HERC2: variants seen among roughly 807,000 people sequenced by gnomAD.
HERC2 encodes the protein E3 ubiquitin-protein ligase HERC2.
HERC2 carries 102 observed loss-of-function variants against 537.7 expected under a neutral mutation model. The observed-to-expected ratio is 0.19, with a 90% CI of 0.16 to 0.22. The LOEUF is 0.22. Among genes scored for constraint, HERC2 ranks in the 10% least tolerant of loss-of-function variants. HERC2 has a pLI of 1.00. For missense variants in HERC2, 4,236 were observed against 6,198.2 expected, an observed-to-expected ratio of 0.68 and a Z score of 10.63; for synonymous variants, 2,224 against 2,466.2, an observed-to-expected ratio of 0.90 and a Z score of 2.91.
intron 40 of HERC2, among the ~76,000 whole-genome samples, 163 bp downstream of exon 40, chr15:28,214,492 C>T (rs1054995337): frequency 3.3e-5 from 5 of 150,764 alleles, no homozygotes; most frequent in Middle Eastern, 3.2e-3. Flanking sequence ...GGCAGTACAC[C>T]GCTCTTCACC....
intron 69 of HERC2, among the ~76,000 whole-genome samples, chr15:28,154,781 T>C (rs1892813042): frequency 6.6e-6 from 1 of 152,220 alleles, no homozygotes; most frequent in African/African-American, 2.4e-5. Context: ...ATTTTTTTAT[T>C]ATACTTTAAG....
Position 28,263,068 on chromosome 15 carries a change from C to T in HERC2, c.1972G>A (p.Asp658Asn). The change falls in exon 15 of 93, where the codon GAT (aspartate) becomes AAT (asparagine). Residue 658 changes from aspartate to asparagine, a missense_variant. This residue lies in a region of HERC2 where 754 missense variants were observed against 1,085.0 expected (regional missense o/e 0.69). Transcript: ENST00000261609. Reference sequence around the variant, plus strand: ...CTTCCACAGCGGACTTTGACCACATCCAAGTCTTGAAGCTTTTCAATCAGC... The same window carrying T: ...CTTCCACAGCGGACTTTGACCACATTCAAGTCTTGAAGCTTTTCAATCAGC... ...PKLIEKLQDL[D>N]VVKVRCGSQF... 6.2e-7 allele frequency: 1 copy of T among 1,614,190 alleles called. No homozygotes were observed. Among genetic ancestry groups the T allele is most frequent in the Non-Finnish European group, 8.5e-7 (1 of 1,180,046 alleles).
At position 28,319,511 on chromosome 15, in the gene HERC2, G is replaced by C. The variant is rs181313774; in HGVS notation, c.72+1851C>G. The stretch of plus-strand genomic sequence containing the variant: ...GAGGCGGGAGAATCACTTGCATTCG[G>C]GAGGCGGAAGTTGCAGTGAGCCAAG... On this transcript the variant is annotated intron_variant, in intron 2 of 92. Transcript: ENST00000261609. Among the ~76,000 whole-genome samples, 508 of 150,982 alleles carry C rather than the reference G, an allele frequency of 3.4e-3. 4 individuals are homozygous for C. The highest frequency in any genetic ancestry group is 0.012 in the African/African-American group (482 of 40,650).
chr15:28,128,164 G>A (rs185364388), intron 83 of HERC2, among the ~76,000 whole-genome samples: 85 of 152,324 alleles, frequency 5.6e-4, no homozygotes, highest in African/African-American at 2.0e-3. Context: ...AGAAGCCCAG[G>A]AAGACGAGGA....
intron 64 of HERC2, 151 bp downstream of exon 64, chr15:28,175,360 AG>A: frequency 1.3e-6 from 1 of 765,608 alleles, no homozygotes; most frequent in East Asian, 2.7e-5. Context: ...AGTGGGCAAA[AG>A]GAACAGGACC....
intron 69 of HERC2, among the ~76,000 whole-genome samples, chr15:28,156,741 A>C (rs1237416851): frequency 1.3e-5 from 2 of 152,108 alleles, no homozygotes; most frequent in Non-Finnish European, 2.9e-5. Flanking sequence ...AATACCCTTT[A>C]TTTCTTTCTC....
At chr15:28,130,348 C>A (rs1399041038) in intron 82 of HERC2, 46 bp from the exon 83 acceptor site, 1 of 1,611,944 alleles carries the variant, frequency 6.2e-7, no homozygotes, top group South Asian at 1.1e-5. Flanking sequence ...GGTGATCTCA[C>A]TGACCACCCT....
chr15:28,292,954 C>T lies in HERC2; in HGVS notation c.256G>A (p.Glu86Lys). The change falls in exon 4 of 93, where the codon GAA becomes AAA. Residue 86 changes from glutamate to lysine, a missense_variant. By Grantham distance (56) the Glu-to-Lys change is moderately conservative. Coordinates refer to ENST00000261609, the MANE Select transcript of HERC2 (RefSeq NM_004667.6). Reference protein sequence around the residue: ...LNDKEKKDEEETPAPIYRAKS... With the variant: ...LNDKEKKDEEKTPAPIYRAKS... ...GCCCTATATATAGGTGCAGGAGTTT[C>T]TTCTTCATCTTTTTTCTCTTTGTCA... 6.2e-7 allele frequency: 1 copy of T among 1,611,232 alleles called. No individual in the cohort carries two copies. The highest frequency in any genetic ancestry group is 8.5e-7 in the Non-Finnish European group (1 of 1,179,394).
At chr15:28,238,411 A>C (rs1430377713) in intron 24 of HERC2, among the ~76,000 whole-genome samples, 191 bp downstream of exon 24, 4 of 152,206 alleles carry the variant, frequency 2.6e-5, no homozygotes, top group Non-Finnish European at 5.9e-5. Context: ...GTATTAAAAC[A>C]AAAAATGCAT....
At chr15:28,216,315 T>C (rs1027537333) in intron 38 of HERC2, among the ~76,000 whole-genome samples, 2 of 146,902 alleles carry the variant, frequency 1.4e-5, no homozygotes, top group African/African-American at 2.5e-5. Flanking sequence ...ACTTAAATAT[T>C]TTTTTTTTTT....
Position 28,141,726 on chromosome 15 carries a change from A to C in HERC2, c.11816+5T>G, listed in dbSNP as rs1437577870. 1 of 1,613,142 alleles carries C rather than the reference A, an allele frequency of 6.2e-7. No individual in the cohort carries two copies. Among genetic ancestry groups the C allele is most frequent in the South Asian group, 1.1e-5 (1 of 91,058 alleles). On this transcript the variant is annotated splice_donor_5th_base_variant and intron_variant, in intron 77 of 92. Coordinates refer to ENST00000261609, the MANE Select transcript of HERC2 (RefSeq NM_004667.6). ...GACATTACTGCTTGTTTCTAATATA[A>C]TAACCTGTTCATCCACTGCACAAGT...
intron 69 of HERC2, among the ~76,000 whole-genome samples, chr15:28,160,857 A>G (rs1421099787): frequency 6.6e-6 from 1 of 152,194 alleles, no homozygotes; most frequent in Non-Finnish European, 1.5e-5. Flanking sequence ...AGCTGTTCCT[A>G]TTCAGCCATC....
At chr15:28,222,956 T>C (rs1322881441) in intron 35 of HERC2, among the ~76,000 whole-genome samples, 1 of 150,906 alleles carries the variant, frequency 6.6e-6, no homozygotes, top group African/African-American at 2.4e-5. Flanking sequence ...TTGTACCTGC[T>C]TTCCTCTGGA....
intron 69 of HERC2, among the ~76,000 whole-genome samples, chr15:28,157,490 G>C (rs1486391135): frequency 6.6e-6 from 1 of 152,164 alleles, no homozygotes; most frequent in Non-Finnish European, 1.5e-5. Flanking sequence ...TATGTGTCCA[G>C]GAATTTATCC....
intron 68 of HERC2, 44 bp from the exon 69 acceptor site, chr15:28,163,329 C>A: frequency 6.4e-7 from 1 of 1,562,430 alleles, no homozygotes; most frequent in South Asian, 1.2e-5. Flanking sequence ...GAATGATATG[C>A]TAAGAGATAA....
chr15:28,147,649 C>T (rs1891900567), intron 70 of HERC2, among the ~76,000 whole-genome samples: 1 of 151,662 alleles, frequency 6.6e-6, no homozygotes, highest in East Asian at 1.9e-4. Flanking sequence ...AATCTCACAC[C>T]TCATTCTAAA....
At chr15:28,135,887 G>A (rs994622799) in intron 78 of HERC2, among the ~76,000 whole-genome samples, 195 bp from the exon 79 acceptor site, 1 of 152,126 alleles carries the variant, frequency 6.6e-6, no homozygotes, top group Non-Finnish European at 1.5e-5. Context: ...ATAAAAACAT[G>A]ACTATTAGAA....
intron 4 of HERC2, among the ~76,000 whole-genome samples, chr15:28,290,518 C>A (rs1393500525): frequency 5.3e-5 from 8 of 152,126 alleles, no homozygotes; most frequent in Admixed American, 5.2e-4. Flanking sequence ...GCATGAGCCA[C>A]CACACACAGC....
Position 28,114,820 on chromosome 15 carries a change from A to C in HERC2, c.13723-18T>G. 1 of 1,611,156 alleles carries C rather than the reference A, an allele frequency of 6.2e-7. No homozygotes were observed. Among genetic ancestry groups the C allele is most frequent in the African/African-American group, 1.3e-5 (1 of 74,886 alleles). On this transcript the variant is annotated intron_variant, in intron 89 of 92. Coordinates refer to ENST00000261609, the MANE Select transcript of HERC2 (RefSeq NM_004667.6). ...TTATCAACCTTTTAAGGAGAAAAAG[A>C]AAGCCCATGTGTCGACTCACGGCTC...
Sources: gnomAD v4.1 joint callset for allele counts (sites outside exome capture counted in the v4.1 genomes callset) on GRCh38, gnomAD v4.1.1 for gene constraint, gnomAD v4.1.1 regional missense constraint, MANE v1.5 for transcripts, NCBI Gene and HGNC (gene_info 2026-07-23, HGNC 2026-07-21) for gene names.